Variants in MED24 observed in about 807,000 individuals in gnomAD.
MED24 encodes mediator complex subunit 24.
A neutral mutation model predicts 118.8 loss-of-function variants in MED24; 74 were observed. The observed-to-expected ratio is 0.62, with a 90% confidence interval of 0.52 to 0.76. The LOEUF is 0.76. Ranked by LOEUF, MED24 falls within the 30% of genes least tolerant of loss-of-function variation. MED24 has a pLI of 0.00. For missense variants in MED24, 1,041 were observed against 1,278.9 expected (o/e 0.81, Z 2.84); for synonymous variants, 521 against 523.9 (o/e 0.99, Z 0.08).
Position 40,035,814 on chromosome 17 carries a change from A to G in MED24, c.253-19T>C, listed in dbSNP as rs1983871156. The stretch of plus-strand genomic sequence containing the variant: ...CATCAAACTGTGGAAAGGACAGTGG[A>G]GATGCTACGGAATGCCTCCATCCAC... On this transcript the variant is annotated intron_variant, in intron 4 of 25. Coordinates refer to ENST00000394128, the MANE Select transcript of MED24 (RefSeq NM_014815.4). 3 of 1,609,942 alleles carry G rather than the reference A, an allele frequency of 1.9e-6. No homozygotes were observed. Among genetic ancestry groups the G allele is most frequent in the Non-Finnish European group, 2.5e-6 (3 of 1,176,486 alleles).
chr17:40,019,847 A>G lies in MED24; in HGVS notation c.2791T>C (p.Cys931Arg). 1 of 1,596,694 alleles carries G rather than the reference A, an allele frequency of 6.3e-7. No homozygotes were observed. The highest frequency in any genetic ancestry group is 8.5e-7 in the Non-Finnish European group (1 of 1,171,394). Residue 931 changes from cysteine (C) to arginine (R), a missense_variant, in exon 25 of 26, where the codon TGT becomes CGT. Coordinates refer to ENST00000394128, the MANE Select transcript of MED24 (RefSeq NM_014815.4). Reference sequence around the variant, plus strand: ...CCACCCTGCTCCAGGCAGTCCACACACTCCTCCATGAACCACTGCACGAAC... The same window carrying G: ...CCACCCTGCTCCAGGCAGTCCACACGCTCCTCCATGAACCACTGCACGAAC... ...TQFVQWFMEE[C>R]VDCLEQGGRG...
Position 40,038,443 on chromosome 17 carries a change from T to G in MED24, c.214-2289A>C, listed in dbSNP as rs567404371. 1.1e-4 allele frequency among the ~76,000 whole-genome samples: 17 copies of G among 152,232 alleles called. No individual in the cohort carries two copies. The South Asian group carries it at 3.5e-3, about 32-fold the overall frequency. ...GAAGAAAGCTGTCGGCCGGGTGCAG[T>G]CGCTCACGCCTGTAATCCCAGAACT... On this transcript the variant is annotated intron_variant, in intron 3 of 25. Transcript: ENST00000394128.
Position 40,019,388 on chromosome 17 carries a change from G to T in MED24, c.*141C>A. ...ATCCTGGAGGTCAGGAGTCAGGAGC[G>T]GGGAACTGGAAGCCGCTAGAGGCTC... On this transcript the variant is annotated 3_prime_UTR_variant, in exon 26 of 26. Transcript: ENST00000394128. 1.4e-6 allele frequency: 1 copy of T among 690,102 alleles called. No homozygotes were observed. The highest frequency in any genetic ancestry group is 2.7e-5 in the East Asian group (1 of 37,124). 42.7% of individuals were successfully genotyped at this position (690,102 alleles called of 1,614,324 possible).
chr17:40,046,972 G>T (rs1367057791), intron 3 of MED24, among the ~76,000 whole-genome samples: 1 of 152,066 alleles, frequency 6.6e-6, no homozygotes, highest in African/African-American at 2.4e-5. Flanking sequence ...GCCAGGCATG[G>T]TGGTGCATGA....
In MED24 at chr17:40,053,460, A is replaced by T; in HGVS notation, c.130+9T>A. The T allele has an allele frequency of 6.2e-7, 1 of 1,614,084 alleles. No homozygotes were observed. The highest frequency in any genetic ancestry group is 8.5e-7 in the Non-Finnish European group (1 of 1,179,976). Reference sequence around the variant, plus strand: ...CCCTCCCATCTTTCTTTCCCAGTTCACTTGAGACCTGCCAGGTTGAGAATA... The same window carrying T: ...CCCTCCCATCTTTCTTTCCCAGTTCTCTTGAGACCTGCCAGGTTGAGAATA... On this transcript the variant is annotated intron_variant, in intron 2 of 25. Transcript: ENST00000394128.
At chr17:40,021,668 T>A (rs1275577022) in intron 23 of MED24, among the ~76,000 whole-genome samples, 1 of 141,088 alleles carries the variant, frequency 7.1e-6, no homozygotes, top group Non-Finnish European at 1.5e-5. Context: ...TAGCTTGTCA[T>A]CCCCTCAACC....
intron 3 of MED24, among the ~76,000 whole-genome samples, chr17:40,043,794 G>T (rs1242435681): frequency 2.0e-5 from 3 of 151,104 alleles, no homozygotes; most frequent in Non-Finnish European, 4.4e-5. Flanking sequence ...AGGAGGCTGA[G>T]GCAGGAGAAT....
Position 40,032,025 on chromosome 17 carries a change from T to A in MED24, c.984+18A>T, listed in dbSNP as rs1398905727. The A allele has an allele frequency of 6.2e-7, 1 of 1,612,970 alleles. No individual in the cohort carries two copies. The highest frequency in any genetic ancestry group is 8.5e-7 in the Non-Finnish European group (1 of 1,179,288). On this transcript the variant is annotated intron_variant, in intron 10 of 25. Coordinates refer to ENST00000394128, the MANE Select transcript of MED24 (RefSeq NM_014815.4). ...CCTTATTTCTGCTCCCATGCCTCCA[T>A]CTCAATCCCCAACTCACCTTGTCTC...
rs2144848011 is a variant in MED24, at chr17:40,019,922, G to C, written c.2716C>G (p.Leu906Val). The change falls in exon 25 of 26, where the codon CTG becomes GTG. Residue 906 changes from leucine (L) to valine (V), a missense_variant. By Grantham distance (32) the Leu-to-Val change is conservative. Coordinates refer to ENST00000394128, the MANE Select transcript of MED24 (RefSeq NM_014815.4). ...GACCCCAGGATGGAGGAGATGAGCA[G>C]GAACAGGTTGGCTGTAGAGAGTGGG... The part of the protein sequence containing the change: ...PLNRVLANLF[L>V]LISSILGSRT... 2 of 1,565,610 alleles carry C rather than the reference G, an allele frequency of 1.3e-6. No individual in the cohort carries two copies. The highest frequency in any genetic ancestry group is 4.7e-5 in the East Asian group (2 of 42,416).
rs539466477 is a variant in MED24 at position 40,035,254 on chromosome 17, C to G, written c.422G>C (p.Arg141Pro). Residue 141 changes from arginine to proline, a missense_variant, in exon 6 of 26, where the codon CGG becomes CCG. Physicochemically the swap from Arg to Pro is moderately radical, Grantham distance 103. Transcript: ENST00000394128. Reference protein sequence around the residue: ...LLRCTAASAERLREGLEAGTP... With the variant: ...LLRCTAASAEPLREGLEAGTP... Reference sequence around the variant, plus strand: ...GCCGGCCTCCAGCCCCTCCCGCAGCCGCTCTGCAGAGGCTGCCGTGCAGCG... The same window carrying G: ...GCCGGCCTCCAGCCCCTCCCGCAGCGGCTCTGCAGAGGCTGCCGTGCAGCG... The G allele has an allele frequency of 9.9e-6, 16 of 1,613,944 alleles. No individual in the cohort carries two copies. In the East Asian group the frequency reaches 3.3e-4, roughly 34 times the overall value.
At chr17:40,053,225 G>T in intron 3 of MED24, 73 bp downstream of exon 3, 2 of 1,390,048 alleles carry the variant, frequency 1.4e-6, no homozygotes, top group East Asian at 2.3e-5. Flanking sequence ...ATGAACCACC[G>T]GGGCCCAAAT....
chr17:40,019,539 G>A lies in MED24; in HGVS notation c.2960C>T (p.Ala987Val). The A allele has an allele frequency of 6.2e-7, 1 of 1,611,984 alleles. No homozygotes were observed. The highest frequency in any genetic ancestry group is 8.5e-7 in the Non-Finnish European group (1 of 1,179,594). ...GCCATGCCAAGCCCCTCAGAGTGCAGCAATGGCTTTAGCAGCCACCTGGCG... is the reference window on the plus strand; with the variant it reads ...GCCATGCCAAGCCCCTCAGAGTGCAACAATGGCTTTAGCAGCCACCTGGCG... ...LGRQVAAKAI[A>V]AL The change falls in exon 26 of 26, where the codon GCT (alanine) becomes GTT (valine). Residue 987 changes from alanine (A) to valine (V), a missense_variant. Coordinates refer to ENST00000394128, the MANE Select transcript of MED24 (RefSeq NM_014815.4).
rs1287997707 is a variant in MED24, at chr17:40,022,048, T to TATA, written c.2527_2529dup (p.Tyr843dup). 1.2e-6 allele frequency: 2 copies of TATA among 1,606,420 alleles called. No individual in the cohort carries two copies. The highest frequency in any genetic ancestry group is 1.7e-6 in the Non-Finnish European group (2 of 1,175,934). ...ACATCGTCCAGGGGGAAGAGGCTGA[T>TATA]ATAATCCTAGAGGGAGTGAAAGTCA... On this transcript the variant is annotated inframe_insertion, in exon 23 of 26. Transcript: ENST00000394128.
intron 3 of MED24, among the ~76,000 whole-genome samples, chr17:40,050,872 C>T (rs1382115658): frequency 6.6e-6 from 1 of 152,206 alleles, no homozygotes; most frequent in Admixed American, 6.5e-5. Context: ...CGTGGTGGCT[C>T]ACGCCTATAA....
chr17:40,021,266 C>T (rs141993044), intron 23 of MED24: 5 of 152,452 alleles, frequency 3.3e-5, no homozygotes, highest in East Asian at 1.9e-4. Context: ...GAGACCCAGA[C>T]GGGGGCTGGC....
At chr17:40,052,279 C>G (rs1985939594) in intron 3 of MED24, among the ~76,000 whole-genome samples, 1 of 152,122 alleles carries the variant, frequency 6.6e-6, no homozygotes, top group African/African-American at 2.4e-5. Context: ...GGCGATAGAG[C>G]AAGACTCTGA....
chr17:40,022,913 G>A, intron 20 of MED24, 87 bp from the exon 21 acceptor site: 4 of 1,497,222 alleles, frequency 2.7e-6, no homozygotes, highest in South Asian at 1.2e-5. Flanking sequence ...TGGCTGTCCA[G>A]TAAGGCCCGC....
chr17:40,019,959 A>G (rs1273847202), intron 24 of MED24, 26 bp from the exon 25 acceptor site: 2 of 1,555,520 alleles, frequency 1.3e-6, no homozygotes, highest in Non-Finnish European at 1.7e-6. Context: ...GGAGAGTGAC[A>G]GGAGGGAGTT....
intron 1 of MED24, 56 bp from the exon 2 acceptor site, chr17:40,053,691 C>G: frequency 6.2e-7 from 1 of 1,600,436 alleles, no homozygotes; most frequent in Non-Finnish European, 8.5e-7. Context: ...TAAGGAGAAC[C>G]GGGGAAGGCA....
Sources: gnomAD v4.1 joint callset for allele counts (sites outside exome capture counted in the v4.1 genomes callset) on GRCh38, gnomAD v4.1.1 for gene constraint, MANE v1.5 for transcripts, NCBI Gene and HGNC (gene_info 2026-07-23, HGNC 2026-07-21) for gene names.